The following XIRP2 variants were observed in gnomAD, a reference collection of about 807,000 sequenced individuals.
The protein encoded by XIRP2 is xin actin-binding repeat-containing protein 2.
A neutral mutation model predicts 277.0 loss-of-function variants in XIRP2; 236 were observed. The observed-to-expected ratio is 0.85, with a 90% confidence interval of 0.77 to 0.95. The LOEUF (loss-of-function observed/expected upper bound fraction) is 0.95, where lower values mean the gene tolerates loss of function less well. XIRP2 is among the 40% of genes least tolerant of loss of function. XIRP2 has a pLI of 0.00. For missense variants in XIRP2, 4,640 were observed against 4,157.5 expected (o/e 1.12, Z -3.19); for synonymous variants, 1,490 against 1,416.5 (o/e 1.05, Z -1.17).
At chr2:167,166,059 T>A (rs1692512903) in intron 3 of XIRP2, among the ~76,000 whole-genome samples, 1 of 152,214 alleles carries the variant, frequency 6.6e-6, no homozygotes, top group African/African-American at 2.4e-5. Flanking sequence ...GGATGTCCAC[T>A]TGTTCCAATA....
chr2:167,151,581 A>C (rs1692017369), intron 3 of XIRP2, among the ~76,000 whole-genome samples: 1 of 152,166 alleles, frequency 6.6e-6, no homozygotes, highest in South Asian at 2.1e-4. Flanking sequence ...ACCATGCATA[A>C]AACATCCTCT....
intron 2 of XIRP2, among the ~76,000 whole-genome samples, chr2:167,018,446 GAACA>G (rs1687892112): frequency 6.6e-6 from 1 of 151,984 alleles, no homozygotes; most frequent in African/African-American, 2.4e-5. Flanking sequence ...GGGGGATAAA[GAACA>G]AACAGAGAGA....
intron 2 of XIRP2, among the ~76,000 whole-genome samples, chr2:167,027,510 A>G (rs1186612642): frequency 1.3e-5 from 2 of 152,146 alleles, no homozygotes; most frequent in African/African-American, 4.8e-5. Context: ...TCAACTCATC[A>G]AAGTCATTCT....
At chr2:167,022,964 A>G (rs1378706413) in intron 2 of XIRP2, among the ~76,000 whole-genome samples, 1 of 152,156 alleles carries the variant, frequency 6.6e-6, no homozygotes, top group Admixed American at 6.6e-5. Flanking sequence ...CTTTGGGTAT[A>G]TACCCAGTAA....
At chr2:167,067,493 A>C (rs896542660) in intron 2 of XIRP2, among the ~76,000 whole-genome samples, 1 of 152,204 alleles carries the variant, frequency 6.6e-6, no homozygotes, top group African/African-American at 2.4e-5. Flanking sequence ...GCTTCAATTC[A>C]AGACCACTGC....
chr2:167,120,060 C>T (rs1691010884), intron 2 of XIRP2, among the ~76,000 whole-genome samples: 1 of 152,042 alleles, frequency 6.6e-6, no homozygotes, highest in East Asian at 1.9e-4. Context: ...CCACTTTGCA[C>T]CAAGCCTTTA....
chr2:167,121,728 G>T (rs1196192712), intron 2 of XIRP2, among the ~76,000 whole-genome samples: 1 of 152,176 alleles, frequency 6.6e-6, no homozygotes, highest in Non-Finnish European at 1.5e-5. Flanking sequence ...AGAAGGGAAA[G>T]AAGGCAGTAT....
chr2:167,213,700 G>A (rs918159031), intron 4 of XIRP2, among the ~76,000 whole-genome samples: 8 of 152,118 alleles, frequency 5.3e-5, no homozygotes, highest in East Asian at 1.9e-4. Context: ...TCACAGGAAC[G>A]GTCCCCACCT....
At chr2:166,913,950 A>G (rs144192173) in intron 2 of XIRP2, among the ~76,000 whole-genome samples, 151 of 152,370 alleles carry the variant, frequency 9.9e-4, no homozygotes, top group African/African-American at 3.4e-3. Flanking sequence ...TTTGATAGGC[A>G]GAATAACAAA....
intron 5 of XIRP2, among the ~76,000 whole-genome samples, chr2:167,232,706 A>C (rs528722146): frequency 6.6e-6 from 1 of 151,956 alleles, no homozygotes; most frequent in Non-Finnish European, 1.5e-5. Context: ...ATACTAACTT[A>C]TTTCTTCTTC....
At chr2:167,237,801 T>G (rs1207811190) in intron 5 of XIRP2, among the ~76,000 whole-genome samples, 1 of 152,162 alleles carries the variant, frequency 6.6e-6, no homozygotes, top group African/African-American at 2.4e-5. Context: ...TACTTCCTAT[T>G]TCTCAGTGTG....
chr2:167,006,480 C>A (rs772207750), intron 2 of XIRP2, among the ~76,000 whole-genome samples: 1 of 151,714 alleles, frequency 6.6e-6, no homozygotes, highest in Non-Finnish European at 1.5e-5. Flanking sequence ...TGCCTATTCA[C>A]GATGAGAAAT....
intron 3 of XIRP2, among the ~76,000 whole-genome samples, chr2:167,164,013 G>T (rs73019991): frequency 0.099 from 15,046 of 152,126 alleles, 797 homozygotes; most frequent in South Asian, 0.16. Flanking sequence ...GTATCACATT[G>T]TCTTGGTTAC....
chr2:167,155,707 C>T (rs201229575), intron 3 of XIRP2, among the ~76,000 whole-genome samples: 14,100 of 150,452 alleles, frequency 0.094, 734 homozygotes, highest in South Asian at 0.14. Context: ...TGCCCTCTCT[C>T]ACCGCTCCTA....
At chr2:166,927,795 G>A (rs992141044) in intron 2 of XIRP2, among the ~76,000 whole-genome samples, 1 of 152,150 alleles carries the variant, frequency 6.6e-6, no homozygotes, top group African/African-American at 2.4e-5. Flanking sequence ...GGGGATGTGT[G>A]TGTGGGGGGA....
intron 1 of XIRP2, among the ~76,000 whole-genome samples, chr2:166,902,154 T>G (rs1419387890): frequency 6.6e-6 from 1 of 152,106 alleles, no homozygotes; most frequent in African/African-American, 2.4e-5. Flanking sequence ...TATGGAGCTA[T>G]CCAGCAGTCC....
intron 3 of XIRP2, among the ~76,000 whole-genome samples, chr2:167,204,035 T>C (rs1307194674): frequency 6.6e-6 from 1 of 152,180 alleles, no homozygotes; most frequent in Non-Finnish European, 1.5e-5. Context: ...TATTGATGTA[T>C]CACCTGAAGT....
intron 2 of XIRP2, among the ~76,000 whole-genome samples, chr2:167,038,028 A>G (rs1050325524): frequency 6.6e-6 from 1 of 152,112 alleles, no homozygotes; most frequent in Non-Finnish European, 1.5e-5. Flanking sequence ...CAGCATTAGG[A>G]AAAAACAATT....
Position 167,245,075 on chromosome 2 carries a change from CTG to C in XIRP2, c.3684_3685del (p.Glu1229ArgfsTer11). 3 of 1,610,346 alleles carry C rather than the reference CTG, an allele frequency of 1.9e-6. No individual in the cohort carries two copies. The highest frequency in any genetic ancestry group is 2.5e-6 in the Non-Finnish European group (3 of 1,178,944). The stretch of plus-strand genomic sequence containing the variant: ...TTGAAAAAGATCAAAACCTTAAAAA[CTG>C]AAGATATTCAGAAAGGCAATGTTTT... On this transcript the variant is annotated frameshift_variant, in exon 9 of 11. Coordinates refer to ENST00000409195, the MANE Select transcript of XIRP2 (RefSeq NM_152381.6). LOFTEE classifies it high-confidence loss of function.
Sources: allele counts gnomAD v4.1 joint callset (sites outside exome capture counted in the v4.1 genomes callset), GRCh38; gene constraint gnomAD v4.1.1; transcripts MANE v1.5; gene names NCBI Gene and HGNC (gene_info 2026-07-23, HGNC 2026-07-21).